The following GMDS variants were observed in gnomAD, a reference collection of about 807,000 sequenced individuals.
GMDS encodes the protein GDP-mannose 4,6 dehydratase.
In GMDS, 20 loss-of-function variants were observed where a neutral mutation model predicts 49.9. The ratio of observed to expected loss-of-function variants is 0.40; its 90% CI spans 0.28 to 0.58. The LOEUF (loss-of-function observed/expected upper bound fraction) is 0.58, where lower values mean the gene tolerates loss of function less well. Among genes scored for constraint, GMDS ranks in the 20% least tolerant of loss-of-function variants. The pLI is 0.42. For synonymous variants in GMDS, 177 were observed against 178.6 expected (o/e 0.99, Z 0.07); for missense variants, 362 against 481.4 (o/e 0.75, Z 2.32).
intron 1 of GMDS, among the ~76,000 whole-genome samples, chr6:2,195,293 T>C (rs1050543542): frequency 2.6e-5 from 4 of 151,970 alleles, no homozygotes; most frequent in African/African-American, 9.7e-5. Context: ...AATTAGACGT[T>C]ACATTTTTGA....
intron 7 of GMDS, among the ~76,000 whole-genome samples, chr6:1,891,633 G>A (rs190837302): frequency 8.9e-4 from 135 of 152,346 alleles, no homozygotes; most frequent in African/African-American, 2.9e-3. Context: ...AGAAGAGGAC[G>A]AACCGCTAGG....
intron 6 of GMDS, among the ~76,000 whole-genome samples, chr6:1,934,788 C>T (rs925394739): frequency 1.3e-5 from 2 of 151,926 alleles, no homozygotes; most frequent in African/African-American, 4.8e-5. Context: ...CTCCATGTTA[C>T]AGAAGAATGC....
intron 1 of GMDS, among the ~76,000 whole-genome samples, chr6:2,164,074 A>AC (rs370174073): frequency 1.2e-4 from 18 of 152,206 alleles, no homozygotes; most frequent in African/African-American, 4.1e-4. Flanking sequence ...TAATTCAATC[A>AC]CCGTAGGCCA....
rs1771902484 is a variant in GMDS, at chr6:2,070,229, G to A, written c.345+45542C>T. ...TGGCAATTGAACAATGAGAACACAT[G>A]GACACAAGAAGGGGAACATCACACT... On this transcript the variant is annotated intron_variant, in intron 4 of 10. Coordinates refer to ENST00000380815, the MANE Select transcript of GMDS (RefSeq NM_001500.4). Among the ~76,000 whole-genome samples the A allele has an allele frequency of 3.4e-5, 5 of 145,710 alleles. No individual in the cohort carries two copies. The South Asian group carries it at 1.1e-3, about 32-fold the overall frequency.
At chr6:1,965,039 T>C (rs1331484009) in intron 4 of GMDS, among the ~76,000 whole-genome samples, 2 of 140,620 alleles carry the variant, frequency 1.4e-5, no homozygotes, top group Non-Finnish European at 3.1e-5. Context: ...CCATGGTGTA[T>C]ATGTGCCACA....
chr6:1,765,633 G>A (rs72841914), intron 7 of GMDS, among the ~76,000 whole-genome samples: 2,112 of 152,250 alleles, frequency 0.014, 19 homozygotes, highest in South Asian at 0.033. Context: ...ACAGGGTCAC[G>A]CGGCGGCTGA....
intron 7 of GMDS, among the ~76,000 whole-genome samples, chr6:1,903,741 C>T (rs1433824792): frequency 6.6e-6 from 1 of 152,086 alleles, no homozygotes; most frequent in Non-Finnish European, 1.5e-5. Flanking sequence ...CCTGTTTTCT[C>T]CAAACTAGAT....
intron 1 of GMDS, among the ~76,000 whole-genome samples, chr6:2,197,356 TA>T (rs754461660): frequency 6.6e-6 from 1 of 152,102 alleles, no homozygotes; most frequent in Non-Finnish European, 1.5e-5. Context: ...TGGTGGAGGG[TA>T]GATGCTATTA....
At chr6:1,870,108 G>A (rs538584074) in intron 7 of GMDS, among the ~76,000 whole-genome samples, 10 of 152,220 alleles carry the variant, frequency 6.6e-5, no homozygotes, top group East Asian at 5.8e-4. Flanking sequence ...CAGGGCTGGC[G>A]TCTGCCAGCA....
At chr6:1,797,095 A>G (rs1387721286) in intron 7 of GMDS, among the ~76,000 whole-genome samples, 1 of 152,236 alleles carries the variant, frequency 6.6e-6, no homozygotes, top group Non-Finnish European at 1.5e-5. Context: ...GCAGCCTGCA[A>G]GCGAGCATTA....
At chr6:1,768,751 C>A (rs1429001121) in intron 7 of GMDS, among the ~76,000 whole-genome samples, 1 of 152,222 alleles carries the variant, frequency 6.6e-6, no homozygotes, top group African/African-American at 2.4e-5. Flanking sequence ...TGTTCCCAAG[C>A]ATTTCAGATA....
chr6:2,064,210 G>C (rs1771386130), intron 4 of GMDS, among the ~76,000 whole-genome samples: 1 of 152,110 alleles, frequency 6.6e-6, no homozygotes, highest in Admixed American at 6.5e-5. Context: ...TGATCCAAGT[G>C]ATACTAAAAG....
chr6:2,123,702 A>T (rs1043701085), intron 2 of GMDS, among the ~76,000 whole-genome samples: 4 of 152,250 alleles, frequency 2.6e-5, no homozygotes, highest in African/African-American at 9.6e-5. Flanking sequence ...ATATGGACAT[A>T]CGTATACATA....
chr6:1,997,013 T>A (rs573940669), intron 4 of GMDS, among the ~76,000 whole-genome samples: 1 of 152,024 alleles, frequency 6.6e-6, no homozygotes, highest in East Asian at 1.9e-4. Context: ...CTTAGCTTGG[T>A]GAGAGGAGGG....
intron 4 of GMDS, among the ~76,000 whole-genome samples, chr6:1,981,691 C>T (rs1765227626): frequency 6.6e-6 from 1 of 152,096 alleles, no homozygotes; most frequent in Non-Finnish European, 1.5e-5. Flanking sequence ...ATCATGCTGA[C>T]ACCAAAACCT....
chr6:1,816,005 G>T (rs1245051089), intron 7 of GMDS, among the ~76,000 whole-genome samples: 1 of 152,212 alleles, frequency 6.6e-6, no homozygotes, highest in African/African-American at 2.4e-5. Flanking sequence ...ACACACTATG[G>T]TTGCTAACAT....
chr6:2,098,487 T>C (rs759752469), intron 4 of GMDS, among the ~76,000 whole-genome samples: 84 of 152,340 alleles, frequency 5.5e-4, no homozygotes, highest in Admixed American at 1.1e-3. Context: ...TTGTACGTAG[T>C]TTATAACTTT....
intron 9 of GMDS, among the ~76,000 whole-genome samples, chr6:1,671,635 G>A (rs1271555776): frequency 1.3e-5 from 2 of 150,764 alleles, no homozygotes; most frequent in African/African-American, 2.4e-5. Flanking sequence ...TGGTGCAAAA[G>A]TAATCTTGGT....
intron 9 of GMDS, among the ~76,000 whole-genome samples, chr6:1,642,964 T>A (rs1325963126): frequency 6.6e-6 from 1 of 152,192 alleles, no homozygotes; most frequent in Non-Finnish European, 1.5e-5. Flanking sequence ...TTGGGGGCTT[T>A]TAAACAGCCC....
Sources: gnomAD v4.1 joint callset for allele counts (sites outside exome capture counted in the v4.1 genomes callset) on GRCh38, gnomAD v4.1.1 for gene constraint, MANE v1.5 for transcripts, NCBI Gene and HGNC (gene_info 2026-07-23, HGNC 2026-07-21) for gene names.